TRPM3: variants seen among roughly 807,000 people sequenced by gnomAD.
TRPM3 encodes long transient receptor potential channel 3.
Under a neutral mutation model 181.2 loss-of-function variants are expected in TRPM3, and 77 were observed. That is an observed-to-expected ratio of 0.42 (90% CI 0.35 to 0.51). TRPM3 has a LOEUF of 0.51. TRPM3 is among the 20% of genes least tolerant of loss of function. TRPM3 has a pLI of 0.01. For synonymous variants in TRPM3, 745 were observed against 796.4 expected, an observed-to-expected ratio of 0.94 and a Z score of 1.09; for missense variants, 1,759 against 2,196.7, an observed-to-expected ratio of 0.80 and a Z score of 3.98.
chr9:70,877,137 A>G (rs955281770), intron 1 of TRPM3, among the ~76,000 whole-genome samples: 1 of 151,988 alleles, frequency 6.6e-6, no homozygotes, highest in Non-Finnish European at 1.5e-5. Flanking sequence ...ATGGCATTTC[A>G]TCTCCCACAC....
chr9:70,875,047 T>C (rs2095848129), intron 1 of TRPM3, among the ~76,000 whole-genome samples: 1 of 151,968 alleles, frequency 6.6e-6, no homozygotes, highest in African/African-American at 2.4e-5. Context: ...CCTCACAAGG[T>C]ACAGACTTAA....
chr9:70,640,516 GCC>G, intron 10 of TRPM3, 42 bp downstream of exon 10: 1 of 1,546,104 alleles, frequency 6.5e-7, no homozygotes, highest in South Asian at 1.1e-5. Flanking sequence ...AATACCCTTG[GCC>G]AACCAAAGTG....
At chr9:71,374,524 C>T (rs2871366) in intron 1 of TRPM3, among the ~76,000 whole-genome samples, 150,381 of 152,334 alleles carry the variant, frequency 0.99, 74,266 homozygotes, top group East Asian at 1. Flanking sequence ...GCATTTCCCT[C>T]GAGAACCAGC....
chr9:71,381,342 A>C (rs1404357877), intron 1 of TRPM3, among the ~76,000 whole-genome samples: 1 of 152,116 alleles, frequency 6.6e-6, no homozygotes, highest in Non-Finnish European at 1.5e-5. Context: ...GAGGTGGAAG[A>C]CAGTAGGTGG....
intron 1 of TRPM3, among the ~76,000 whole-genome samples, chr9:70,932,720 G>A (rs1407929410): frequency 2.6e-5 from 4 of 152,118 alleles, no homozygotes; most frequent in Non-Finnish European, 5.9e-5. Flanking sequence ...AACTCTACAG[G>A]AGTAGAAAGC....
intron 1 of TRPM3, among the ~76,000 whole-genome samples, chr9:71,213,386 C>T: frequency 6.6e-6 from 1 of 151,986 alleles, no homozygotes; most frequent in Admixed American, 6.6e-5. Flanking sequence ...CCTTAGTTAG[C>T]CAAAGCTTGA....
Position 70,974,863 on chromosome 9 carries a change from A to ATTTTTTTTTTTTTTTTT in TRPM3, c.178-110369_178-110353dup, listed in dbSNP as rs1177545043. 6.7e-4 allele frequency among the ~76,000 whole-genome samples: 79 copies of ATTTTTTTTTTTTTTTTT among 117,958 alleles called. 6 individuals carry two copies. The highest frequency in any genetic ancestry group is 2.1e-3 in the African/African-American group (67 of 31,670). 77.4% of individuals were successfully genotyped at this position (117,958 alleles called of 152,430 possible). ...GTTCCACAGGAGTGATGGAACATCA[A>ATTTTTTTTTTTTTTTTT]TTTTTTTTTTTTTTTTTTTTGAGGT... On this transcript the variant is annotated intron_variant, in intron 1 of 25. Coordinates refer to ENST00000677713, the MANE Select transcript of TRPM3 (RefSeq NM_001366145.2).
chr9:71,121,991 A>C (rs984626934), upstream of TRPM3, among the ~76,000 whole-genome samples: 14 of 152,308 alleles, frequency 9.2e-5, no homozygotes, highest in South Asian at 2.9e-3. Context: ...TCATCCTGAT[A>C]ATCGGTTGCA....
At chr9:71,049,659 T>C (rs994400780) in intron 1 of TRPM3, among the ~76,000 whole-genome samples, 2 of 152,096 alleles carry the variant, frequency 1.3e-5, no homozygotes, top group East Asian at 3.9e-4. Context: ...CTGGAAGCAA[T>C]TGACACTTGG....
intron 1 of TRPM3, among the ~76,000 whole-genome samples, chr9:71,280,315 A>C (rs2132187251): frequency 6.6e-6 from 1 of 152,274 alleles, no homozygotes; most frequent in South Asian, 2.1e-4. Context: ...GGGAAGTCTC[A>C]TTATGATTTT....
In TRPM3 at chr9:70,552,701, C is replaced by A. The variant is rs2046765151; in HGVS notation, c.3574+143G>T. 4.9e-6 allele frequency: 4 copies of A among 814,918 alleles called. No homozygotes were observed. In the South Asian group the frequency reaches 6.1e-5, roughly 12 times the overall value. 50.5% of individuals were successfully genotyped at this position (814,918 alleles called of 1,614,324 possible). A position where few individuals can be genotyped will look rare whatever the true frequency, so the allele number is the denominator to read the frequency against. ...TCATTCAAGTCAACTCCCTCATCCC[C>A]CAATGCTCTCCAAGCCTTCAGAGCT... is the stretch of plus-strand genomic sequence containing the variant. On this transcript the variant is annotated intron_variant, in intron 24 of 25. Coordinates refer to ENST00000677713, the MANE Select transcript of TRPM3 (RefSeq NM_001366145.2).
intron 7 of TRPM3, among the ~76,000 whole-genome samples, chr9:70,763,030 T>C (rs907978134): frequency 2.0e-5 from 3 of 152,166 alleles, no homozygotes; most frequent in Non-Finnish European, 2.9e-5. Context: ...AGTGACCTGC[T>C]GTGCTCCAGT....
chr9:70,560,018 G>A (rs558868687), intron 22 of TRPM3, among the ~76,000 whole-genome samples: 7 of 152,232 alleles, frequency 4.6e-5, no homozygotes, highest in African/African-American at 1.4e-4. Flanking sequence ...TCCTTATGTG[G>A]GATCGTCAAA....
At chr9:71,138,153 G>T (rs1293083588) in intron 1 of TRPM3, among the ~76,000 whole-genome samples, 1 of 151,948 alleles carries the variant, frequency 6.6e-6, no homozygotes, top group East Asian at 1.9e-4. Flanking sequence ...ATGCTGCCTT[G>T]GGGGAGAGGA....
At chr9:70,956,961 C>CTTTTTTTT (rs747544684) in intron 1 of TRPM3, among the ~76,000 whole-genome samples, 4 of 137,434 alleles carry the variant, frequency 2.9e-5, no homozygotes, top group Non-Finnish European at 4.7e-5. Flanking sequence ...TTCTTTCTTT[C>CTTTTTTTT]TTTTTTTTTT....
intron 7 of TRPM3, among the ~76,000 whole-genome samples, chr9:70,769,387 C>G (rs77658074): frequency 2.0e-4 from 30 of 152,230 alleles, no homozygotes; most frequent in Non-Finnish European, 3.8e-4. Flanking sequence ...TCAGCTCAAA[C>G]TTCACCTCCT....
In TRPM3 at chr9:70,620,255, C is replaced by T. The variant is rs2063431758; in HGVS notation, c.1950G>A (p.Glu650=). 1.2e-6 allele frequency: 2 copies of T among 1,614,224 alleles called. No individual in the cohort carries two copies. Among genetic ancestry groups the T allele is most frequent in the Non-Finnish European group, 8.5e-7 (1 of 1,180,040 alleles). Residue 650 remains glutamate, a synonymous_variant, in exon 16 of 26, where the codon GAG becomes GAA. Transcript: ENST00000677713. ...TCATGAGAACAGCCCACACCATGAG[C>T]TCATGGAAAGGGAAGGGGAAGTGGT... ...EINHFPFPFH[E]LMVWAVLMKR... is the part of the protein sequence containing the mutation.
chr9:71,255,001 C>A (rs1196127547), intron 1 of TRPM3, among the ~76,000 whole-genome samples: 1 of 152,200 alleles, frequency 6.6e-6, no homozygotes, highest in Non-Finnish European at 1.5e-5. Context: ...CAGTTTTGGA[C>A]TCTGCCTATT....
At chr9:70,947,459 C>T (rs2096946529) in intron 1 of TRPM3, among the ~76,000 whole-genome samples, 1 of 152,164 alleles carries the variant, frequency 6.6e-6, no homozygotes, top group East Asian at 1.9e-4. Context: ...AGGGTATCCA[C>T]TATTTTTATT....
Sources: gnomAD v4.1 joint callset for allele counts (sites outside exome capture counted in the v4.1 genomes callset) on GRCh38, gnomAD v4.1.1 for gene constraint, MANE v1.5 for transcripts, NCBI Gene and HGNC (gene_info 2026-07-23, HGNC 2026-07-21) for gene names.